ATP8A1: variants seen among roughly 807,000 people sequenced by gnomAD.
ATP8A1 encodes the protein ATPase phospholipid transporting 8A1.
In ATP8A1, 90 loss-of-function variants were observed where a neutral mutation model predicts 177.7. The ratio of observed to expected loss-of-function variants is 0.51; its 90% CI spans 0.43 to 0.60. The LOEUF (loss-of-function observed/expected upper bound fraction) is 0.60, where lower values mean the gene tolerates loss of function less well. Ranked by LOEUF, ATP8A1 falls within the 20% of genes least tolerant of loss-of-function variation. The probability of loss-of-function intolerance (pLI) is 0.00; values close to 1 mark genes in which losing one functional copy is unlikely to be tolerated. For missense variants in ATP8A1, 1,072 were observed against 1,392.8 expected, an observed-to-expected ratio of 0.77 and a Z score of 3.67; for synonymous variants, 493 against 485.9, an observed-to-expected ratio of 1.01 and a Z score of -0.19.
intron 35 of ATP8A1, among the ~76,000 whole-genome samples, chr4:42,421,254 T>G (rs1305602003): frequency 6.6e-6 from 1 of 152,214 alleles, no homozygotes; most frequent in Non-Finnish European, 1.5e-5. Flanking sequence ...ATTCCCATCC[T>G]GTACACTGGG....
intron 35 of ATP8A1, among the ~76,000 whole-genome samples, chr4:42,421,500 T>C (rs993980079): frequency 5.3e-5 from 8 of 152,056 alleles, no homozygotes; most frequent in African/African-American, 1.9e-4. Context: ...GATGGATCTG[T>C]ATAGGGTTGT....
chr4:42,416,785 T>C lies in ATP8A1; in HGVS notation c.3306-2067A>G, dbSNP rs530009437. Among the ~76,000 whole-genome samples the C allele has an allele frequency of 1.1e-3, 127 of 117,798 alleles. 1 individual carries two copies. Among genetic ancestry groups the C allele is most frequent in the Middle Eastern group, 5.0e-3 (1 of 200 alleles). 77.3% of individuals were successfully genotyped at this position (117,798 alleles called of 152,430 possible). ...GAGCTGTCAGCACAATGACTGACAC[T>C]TAGGAAGCACTCAACAAATGCTGGG... On this transcript the variant is annotated intron_variant, in intron 35 of 36. Coordinates refer to ENST00000381668, the MANE Select transcript of ATP8A1 (RefSeq NM_006095.2).
At chr4:42,422,610 T>C (rs1005528849) in intron 35 of ATP8A1, among the ~76,000 whole-genome samples, 197 bp downstream of exon 35, 2 of 152,130 alleles carry the variant, frequency 1.3e-5, no homozygotes, top group African/African-American at 4.8e-5. Context: ...TGAGGCTCAG[T>C]AGGATTAAGC....
At chr4:42,444,485 A>T in intron 32 of ATP8A1, 93 bp downstream of exon 32, 2 of 1,211,310 alleles carry the variant, frequency 1.7e-6, no homozygotes. Context: ...TTAACCTGGG[A>T]CATATCAAGT....
At chr4:42,413,693 C>A (rs533384180) in intron 36 of ATP8A1, among the ~76,000 whole-genome samples, 2 of 152,242 alleles carry the variant, frequency 1.3e-5, no homozygotes, top group Middle Eastern at 3.4e-3. Flanking sequence ...TCAAGTTTTG[C>A]TTTTAGGAAT....
intron 30 of ATP8A1, among the ~76,000 whole-genome samples, chr4:42,447,331 C>T (rs1349830618): frequency 5.9e-5 from 9 of 151,868 alleles, no homozygotes; most frequent in East Asian, 1.9e-4. Context: ...TATAGGTGTG[C>T]GCCCCCATGC....
intron 5 of ATP8A1, among the ~76,000 whole-genome samples, chr4:42,606,320 T>C (rs1049869094): frequency 6.6e-6 from 1 of 152,190 alleles, no homozygotes; most frequent in African/African-American, 2.4e-5. Context: ...CCAGGATCCC[T>C]TCTCTTTCAC....
At chr4:42,556,244 G>A (rs1730221657) in intron 15 of ATP8A1, 2 of 395,314 alleles carry the variant, frequency 5.1e-6, no homozygotes, top group Non-Finnish European at 9.1e-6. Flanking sequence ...TGTGAAAGAT[G>A]TTTGCAGTGT....
In ATP8A1 at chr4:42,485,494, A is replaced by C; in HGVS notation, c.2324+2T>G. On this transcript the variant is annotated splice_donor_variant, in intron 25 of 36. Transcript: ENST00000381668. LOFTEE classifies it high-confidence loss of function. Reference sequence around the variant, plus strand: ...AATCTGACAATGATAAGGAGAACTTACCGACAGCAAATGACAGCTTTGCAT... The same window carrying C: ...AATCTGACAATGATAAGGAGAACTTCCCGACAGCAAATGACAGCTTTGCAT... 1 of 1,607,558 alleles carries C rather than the reference A, an allele frequency of 6.2e-7. No homozygotes were observed.
chr4:42,516,256 A>C (rs934604696), intron 22 of ATP8A1, among the ~76,000 whole-genome samples: 1 of 152,226 alleles, frequency 6.6e-6, no homozygotes, highest in Admixed American at 6.5e-5. Flanking sequence ...CACATAAAAC[A>C]CAACATTGCT....
chr4:42,441,114 C>A (rs555764041), intron 33 of ATP8A1, among the ~76,000 whole-genome samples: 2 of 152,068 alleles, frequency 1.3e-5, no homozygotes, highest in African/African-American at 4.8e-5. Flanking sequence ...TGTTTCATTA[C>A]GTGGATATCA....
At chr4:42,492,417 C>T (rs897287383) in intron 24 of ATP8A1, among the ~76,000 whole-genome samples, 9 of 152,144 alleles carry the variant, frequency 5.9e-5, no homozygotes, top group African/African-American at 1.7e-4. Flanking sequence ...ATCCTAACTC[C>T]TATTTTGATG....
chr4:42,588,707 A>G (rs1169207651), intron 7 of ATP8A1: 1 of 157,448 alleles, frequency 6.4e-6, no homozygotes, highest in East Asian at 1.9e-4. Context: ...AAAACACCAC[A>G]TGAGATTTCA....
chr4:42,562,854 GCT>G (rs1238112984), intron 15 of ATP8A1, among the ~76,000 whole-genome samples: 1 of 152,184 alleles, frequency 6.6e-6, no homozygotes, highest in Non-Finnish European at 1.5e-5. Flanking sequence ...GCTCTTCCTT[GCT>G]TTCTGCCATG....
At chr4:42,476,949 AT>A (rs1167095042) in intron 25 of ATP8A1, among the ~76,000 whole-genome samples, 1 of 152,208 alleles carries the variant, frequency 6.6e-6, no homozygotes, top group Non-Finnish European at 1.5e-5. Flanking sequence ...ATTACCACTG[AT>A]TTTATATATG....
Position 42,590,865 on chromosome 4 carries a change from A to T in ATP8A1, c.470T>A (p.Val157Glu). 1 of 1,613,374 alleles carries T rather than the reference A, an allele frequency of 6.2e-7. No individual in the cohort carries two copies. Among genetic ancestry groups the T allele is most frequent in the Non-Finnish European group, 8.5e-7 (1 of 1,179,820 alleles). ...HWEKVAVGEI[V>E]KVTNGEHLPA... ...GAGATGTTCCCCATTGGTCACTTTC[A>T]CTATCTCCCCTACTGCCACCTACAC... Residue 157 changes from valine (V) to glutamate (E), a missense_variant, in exon 7 of 37, where the codon GTG (valine) becomes GAG (glutamate). Around this residue, in one of 5 missense-constraint regions of ATP8A1, gnomAD observed 344 missense variants for 393.5 expected, o/e 0.87. Transcript: ENST00000381668.
intron 25 of ATP8A1, among the ~76,000 whole-genome samples, chr4:42,481,111 C>T (rs1040914278): frequency 1.3e-5 from 2 of 152,200 alleles, no homozygotes; most frequent in Non-Finnish European, 2.9e-5. Context: ...CACAGTAATA[C>T]TTCACTGCAA....
At chr4:42,585,396 C>T (rs962491123) in intron 9 of ATP8A1, among the ~76,000 whole-genome samples, 1 of 151,056 alleles carries the variant, frequency 6.6e-6, no homozygotes, top group Admixed American at 6.6e-5. Flanking sequence ...AAGTTTGTGT[C>T]TCCCCAAAAT....
intron 22 of ATP8A1, among the ~76,000 whole-genome samples, chr4:42,516,834 AAAG>A (rs1208337745): frequency 1.3e-5 from 2 of 152,226 alleles, no homozygotes; most frequent in Non-Finnish European, 2.9e-5. Context: ...AAATTTTAAC[AAAG>A]AATAGAAGCT....
Sources: gnomAD v4.1 joint callset for allele counts (sites outside exome capture counted in the v4.1 genomes callset) on GRCh38, gnomAD v4.1.1 for gene constraint, gnomAD v4.1.1 regional missense constraint, MANE v1.5 for transcripts, NCBI Gene and HGNC (gene_info 2026-07-23, HGNC 2026-07-21) for gene names.